Variants in SEMA3D observed in about 807,000 individuals in gnomAD.
The protein encoded by SEMA3D is semaphorin-3D.
A neutral mutation model predicts 100.1 loss-of-function variants in SEMA3D; 84 were observed. The ratio of observed to expected loss-of-function variants is 0.84; its 90% confidence interval spans 0.70 to 1.01. The LOEUF is 1.01. Among genes scored for constraint, SEMA3D ranks in the 50% least tolerant of loss-of-function variants. The pLI, the probability that SEMA3D is intolerant of heterozygous loss-of-function variation, is 0.00. For synonymous variants in SEMA3D, 312 were observed against 320.7 expected, an observed-to-expected ratio of 0.97 and a Z score of 0.29; for missense variants, 875 against 934.1, an observed-to-expected ratio of 0.94 and a Z score of 0.82.
chr7:85,236,834 A>C, the SEMA3D span, among the ~76,000 whole-genome samples: 2 of 152,202 alleles, frequency 1.3e-5, no homozygotes, highest in Admixed American at 1.3e-4. Flanking sequence ...AGTAAAGTAC[A>C]TAAGCTAAAG....
chr7:85,083,752 C>G (rs1358874216), intron 4 of SEMA3D, among the ~76,000 whole-genome samples: 11 of 149,746 alleles, frequency 7.3e-5, no homozygotes, highest in East Asian at 2.0e-4. Flanking sequence ...GAGGCTGAGG[C>G]AGGAGAATGG....
intron 1 of SEMA3D, among the ~76,000 whole-genome samples, chr7:85,183,691 A>G (rs944657777): frequency 6.6e-6 from 1 of 152,252 alleles, no homozygotes; most frequent in Non-Finnish European, 1.5e-5. Flanking sequence ...AGAAAGCCAC[A>G]GCAATTACTT....
intron 2 of SEMA3D, chr7:85,142,423 T>C (rs1790078845): frequency 2.2e-6 from 2 of 921,582 alleles, no homozygotes; most frequent in Admixed American, 1.2e-4. Context: ...AAAATCTTTC[T>C]AAAGATGTCA....
intron 2 of SEMA3D, among the ~76,000 whole-genome samples, chr7:85,138,447 C>A (rs1209721648): frequency 1.3e-5 from 2 of 151,674 alleles, no homozygotes; most frequent in Non-Finnish European, 2.9e-5. Context: ...CACCACCATG[C>A]CTGGCTAATT....
the SEMA3D span, among the ~76,000 whole-genome samples, chr7:85,201,006 C>T: frequency 2.0e-5 from 3 of 152,148 alleles, no homozygotes; most frequent in African/African-American, 7.2e-5. Context: ...TTTGCCTAGA[C>T]CAGCAATAAT....
intron 3 of SEMA3D, among the ~76,000 whole-genome samples, chr7:85,107,004 C>T (rs964849028): frequency 1.3e-5 from 2 of 151,976 alleles, no homozygotes; most frequent in Non-Finnish European, 2.9e-5. Context: ...ACCATATCAC[C>T]ATTTGTATTT....
chr7:85,032,814 C>T (rs1484341991), intron 12 of SEMA3D, among the ~76,000 whole-genome samples: 1 of 151,784 alleles, frequency 6.6e-6, no homozygotes, highest in East Asian at 1.9e-4. Flanking sequence ...TTTAAAATCT[C>T]TTTAAGTTCT....
chr7:85,053,423 TCA>T (rs1308268167), intron 9 of SEMA3D, among the ~76,000 whole-genome samples: 1 of 152,006 alleles, frequency 6.6e-6, no homozygotes. Flanking sequence ...ATAATAAGTT[TCA>T]AATAATGTCA....
At chr7:85,211,892 T>C in the SEMA3D span, among the ~76,000 whole-genome samples, 1 of 152,102 alleles carries the variant, frequency 6.6e-6, no homozygotes, top group Non-Finnish European at 1.5e-5. Context: ...ATATAGTATA[T>C]AATACATAAA....
chr7:85,244,236 C>A, the SEMA3D span, among the ~76,000 whole-genome samples: 2 of 152,148 alleles, frequency 1.3e-5, no homozygotes, highest in East Asian at 1.9e-4. Context: ...CTAGAAGCTG[C>A]ACTCACCTAT....
At chr7:85,157,066 G>A (rs1484501422) in intron 1 of SEMA3D, among the ~76,000 whole-genome samples, 1 of 151,592 alleles carries the variant, frequency 6.6e-6, no homozygotes, top group Non-Finnish European at 1.5e-5. Context: ...AGGAATAAAT[G>A]GCACTTTGAA....
intron 4 of SEMA3D, among the ~76,000 whole-genome samples, chr7:85,092,204 C>T (rs916655700): frequency 6.6e-6 from 1 of 152,008 alleles, no homozygotes; most frequent in African/African-American, 2.4e-5. Flanking sequence ...TTGTTTTCCT[C>T]TCTCTGTATT....
intron 4 of SEMA3D, among the ~76,000 whole-genome samples, chr7:85,093,289 G>A (rs1788452685): frequency 6.6e-6 from 1 of 151,916 alleles, no homozygotes; most frequent in African/African-American, 2.4e-5. Context: ...TTCCTTGCAA[G>A]TTTGAGAGTT....
At chr7:85,004,681 G>C (rs908425368) in intron 18 of SEMA3D, among the ~76,000 whole-genome samples, 1 of 152,026 alleles carries the variant, frequency 6.6e-6, no homozygotes, top group Non-Finnish European at 1.5e-5. Flanking sequence ...GTGGAGGAAA[G>C]ATTCCAAACT....
intron 8 of SEMA3D, among the ~76,000 whole-genome samples, chr7:85,058,630 C>G (rs1791390053): frequency 6.7e-6 from 1 of 148,180 alleles, no homozygotes; most frequent in Admixed American, 6.6e-5. Flanking sequence ...CGCCTGCAGT[C>G]CCAGCTACTC....
chr7:85,244,410 T>A, the SEMA3D span, among the ~76,000 whole-genome samples: 1 of 152,146 alleles, frequency 6.6e-6, no homozygotes, highest in African/African-American at 2.4e-5. Context: ...GGGAGTCAAA[T>A]CTTAATATGA....
chr7:85,046,439 C>T (rs1791010560), intron 9 of SEMA3D, among the ~76,000 whole-genome samples: 1 of 151,920 alleles, frequency 6.6e-6, no homozygotes, highest in Non-Finnish European at 1.5e-5. Flanking sequence ...ATCTTACCTA[C>T]CCATCCAACA....
At chr7:85,021,315 G>A (rs1790248148) in intron 13 of SEMA3D, among the ~76,000 whole-genome samples, 1 of 151,786 alleles carries the variant, frequency 6.6e-6, no homozygotes, top group Non-Finnish European at 1.5e-5. Flanking sequence ...TCATTGCAGT[G>A]AACTGTTGAA....
intron 3 of SEMA3D, among the ~76,000 whole-genome samples, chr7:85,114,016 G>A (rs1485123109): frequency 1.3e-5 from 2 of 152,120 alleles, no homozygotes; most frequent in African/African-American, 2.4e-5. Flanking sequence ...TTCTACCAGT[G>A]TGTTAGTGCC....
Sources: allele counts gnomAD v4.1 joint callset (sites outside exome capture counted in the v4.1 genomes callset), GRCh38; gene constraint gnomAD v4.1.1; transcripts MANE v1.5; gene names NCBI Gene and HGNC (gene_info 2026-07-23, HGNC 2026-07-21).